SORL1: variants seen among roughly 807,000 people sequenced by gnomAD.
SORL1 encodes the protein sortilin-related receptor.
In SORL1, 127 loss-of-function variants were observed where a neutral mutation model predicts 273.7. That is an observed-to-expected ratio of 0.46 (90% CI 0.40 to 0.54). SORL1 has a LOEUF of 0.54. Among genes scored for constraint, SORL1 ranks in the 20% least tolerant of loss-of-function variants. The probability of loss-of-function intolerance (pLI) is 0.00; values close to 1 mark genes in which losing one functional copy is unlikely to be tolerated. For missense variants in SORL1, 2,494 were observed against 2,846.1 expected (o/e 0.88, Z 2.81); for synonymous variants, 1,031 against 1,067.4 (o/e 0.97, Z 0.66).
Position 121,553,939 on chromosome 11 carries a change from G to A in SORL1, c.2269G>A (p.Glu757Lys), listed in dbSNP as rs776200071. The change falls in exon 17 of 48, where the codon GAG becomes AAG. Residue 757 changes from glutamate (E) to lysine (K), a missense_variant and splice_region_variant. This residue lies in a region of SORL1 where 710 missense variants were observed against 882.5 expected (regional missense o/e 0.80). Coordinates refer to ENST00000260197, the MANE Select transcript of SORL1 (RefSeq NM_003105.6). ...CACGTGTCTTGTGTGTCTGGCAGAA[G>A]AGAACGAGTTCATTCTGTATGCTGT... is the stretch of plus-strand genomic sequence containing the variant. ...GELVPCPLAE[E>K]NEFILYAVRK... 3 of 1,612,506 alleles carry A rather than the reference G, an allele frequency of 1.9e-6. No homozygotes were observed. The highest frequency in any genetic ancestry group is 1.7e-5 in the Admixed American group (1 of 59,954).
intron 24 of SORL1, among the ~76,000 whole-genome samples, chr11:121,576,363 C>T (rs967661662): frequency 2.0e-5 from 3 of 152,118 alleles, no homozygotes; most frequent in Non-Finnish European, 2.9e-5. Context: ...TGTACGCAAG[C>T]GTGGCAGAAG....
chr11:121,538,924 G>A (rs1033002702), intron 12 of SORL1, among the ~76,000 whole-genome samples: 4 of 152,134 alleles, frequency 2.6e-5, no homozygotes, highest in Non-Finnish European at 4.4e-5. Flanking sequence ...TGACCCGCCC[G>A]CCTCAGCCTC....
chr11:121,610,658 G>C (rs868437501), intron 38 of SORL1: 1 of 156,076 alleles, frequency 6.4e-6, no homozygotes, highest in Non-Finnish European at 1.4e-5. Context: ...TTTGCCACAC[G>C]CACGTTTACC....
chr11:121,498,512 A>G (rs910695680), intron 6 of SORL1, among the ~76,000 whole-genome samples: 4 of 152,188 alleles, frequency 2.6e-5, no homozygotes, highest in African/African-American at 9.7e-5. Flanking sequence ...GAACCAGGGC[A>G]GGATGGATAG....
chr11:121,592,608 C>T (rs565870290), intron 31 of SORL1, among the ~76,000 whole-genome samples: 30 of 152,282 alleles, frequency 2.0e-4, no homozygotes, highest in African/African-American at 5.5e-4. Context: ...TTATTTCATG[C>T]GTGTTGATCT....
chr11:121,598,045 A>G (rs1217238868), intron 32 of SORL1, among the ~76,000 whole-genome samples: 1 of 152,152 alleles, frequency 6.6e-6, no homozygotes, highest in Non-Finnish European at 1.5e-5. Context: ...GGGTGGGACA[A>G]AGGTGAGTGC....
intron 26 of SORL1, among the ~76,000 whole-genome samples, chr11:121,585,222 G>A (rs949832383): frequency 3.9e-5 from 6 of 152,086 alleles, no homozygotes; most frequent in South Asian, 2.1e-4. Context: ...GGTGGCTCAC[G>A]CCTGTAATCC....
At chr11:121,622,676 A>G (rs1863740224) in intron 45 of SORL1, among the ~76,000 whole-genome samples, 1 of 152,236 alleles carries the variant, frequency 6.6e-6, no homozygotes, top group Non-Finnish European at 1.5e-5. Context: ...TCAGCCTGGC[A>G]TCTCAGCACT....
chr11:121,478,964 G>A (rs920943565), intron 3 of SORL1, among the ~76,000 whole-genome samples: 1 of 150,306 alleles, frequency 6.7e-6, no homozygotes, highest in South Asian at 2.1e-4. Context: ...GCGTGCGTGC[G>A]CATGCTTGTG....
intron 47 of SORL1, among the ~76,000 whole-genome samples, chr11:121,628,494 A>G (rs551097632): frequency 5.8e-4 from 89 of 152,258 alleles, no homozygotes; most frequent in African/African-American, 1.9e-3. Context: ...CTCAGGCTGT[A>G]ATGCTCTGAC....
Position 121,497,049 on chromosome 11 carries a change from G to A in SORL1, c.939G>A (p.Val313=), listed in dbSNP as rs1861642805. 1 of 1,612,228 alleles carries A rather than the reference G, an allele frequency of 6.2e-7. No individual in the cohort carries two copies. The highest frequency in any genetic ancestry group is 1.3e-5 in the African/African-American group (1 of 74,818). ...RDKYMFATKV[V]HLLGSEQQSS... is the part of the protein sequence containing the mutation. ...AGTACATGTTTGCTACAAAGGTGGT[G>A]GTAAGTTGAATGTACTAAAGAATAA... Residue 313 remains valine, a splice_region_variant and synonymous_variant, in exon 6 of 48, where the codon GTG becomes GTA. Transcript: ENST00000260197.
intron 25 of SORL1, among the ~76,000 whole-genome samples, chr11:121,582,724 T>G (rs1327948002): frequency 6.6e-6 from 1 of 152,218 alleles, no homozygotes; most frequent in East Asian, 1.9e-4. Context: ...CACCACATAT[T>G]ATTGGCTGGT....
chr11:121,478,115 C>G lies in SORL1; in HGVS notation c.403-3C>G, dbSNP rs778896351. ...TTTTCATCTCCTTTTCTCTGTATTC[C>G]AGGTGTACGTGTCTTACGACTATGG... is the stretch of plus-strand genomic sequence containing the variant. On this transcript the variant is annotated splice_polypyrimidine_tract_variant and splice_region_variant and intron_variant, in intron 2 of 47. Coordinates refer to ENST00000260197, the MANE Select transcript of SORL1 (RefSeq NM_003105.6). The G allele has an allele frequency of 3.4e-5, 55 of 1,611,926 alleles. No homozygotes were observed. Among genetic ancestry groups the G allele is most frequent in the Non-Finnish European group, 4.7e-5 (55 of 1,178,980 alleles).
intron 1 of SORL1, among the ~76,000 whole-genome samples, chr11:121,465,532 CTTT>C (rs796673283): frequency 2.1e-5 from 3 of 144,558 alleles, no homozygotes; most frequent in Non-Finnish European, 3.1e-5. Context: ...GGTGTGTCTC[CTTT>C]TTTTTTTTTT....
chr11:121,535,988 C>T (rs1312269831), intron 12 of SORL1, among the ~76,000 whole-genome samples: 1 of 152,196 alleles, frequency 6.6e-6, no homozygotes, highest in Non-Finnish European at 1.5e-5. Flanking sequence ...AGAGAAGGGG[C>T]TGTTGCATTT....
intron 32 of SORL1, among the ~76,000 whole-genome samples, chr11:121,598,888 G>A (rs527345218): frequency 5.9e-5 from 9 of 152,148 alleles, no homozygotes; most frequent in African/African-American, 1.7e-4. Flanking sequence ...CTTTTGTTTC[G>A]GCTGCCTGAA....
chr11:121,522,726 A>C (rs1862059319), intron 10 of SORL1, 23 bp downstream of exon 10: 2 of 1,581,664 alleles, frequency 1.3e-6, no homozygotes, highest in East Asian at 4.5e-5. Flanking sequence ...GCCTGTTCTC[A>C]AAAGGGGTTC....
intron 6 of SORL1, among the ~76,000 whole-genome samples, chr11:121,506,730 A>G (rs1861792925): frequency 6.6e-6 from 1 of 152,196 alleles, no homozygotes; most frequent in Non-Finnish European, 1.5e-5. Context: ...TGGTTGTGTC[A>G]GGTCTTTTAT....
chr11:121,585,477 T>C (rs1863082661), intron 26 of SORL1, among the ~76,000 whole-genome samples: 1 of 145,060 alleles, frequency 6.9e-6, no homozygotes, highest in African/African-American at 2.6e-5. Flanking sequence ...AGCAAGACTC[T>C]GCCTTAAAAA....
Sources: allele counts gnomAD v4.1 joint callset (sites outside exome capture counted in the v4.1 genomes callset), GRCh38; gene constraint gnomAD v4.1.1; regional missense constraint gnomAD v4.1.1; transcripts MANE v1.5; gene names NCBI Gene and HGNC (gene_info 2026-07-23, HGNC 2026-07-21).